HOMER2: variants seen among roughly 807,000 people sequenced by gnomAD.
HOMER2 encodes homer protein homolog 2.
A neutral mutation model predicts 47.0 loss-of-function variants in HOMER2; 27 were observed. That is an observed-to-expected ratio of 0.57 (90% CI 0.42 to 0.79). The LOEUF (loss-of-function observed/expected upper bound fraction) is 0.79. Ranked by LOEUF, HOMER2 falls within the 30% of genes least tolerant of loss-of-function variation. The pLI, the probability that HOMER2 is intolerant of heterozygous loss-of-function variation, is 0.00. For synonymous variants in HOMER2, 161 were observed against 163.8 expected (o/e 0.98, Z 0.13); for missense variants, 443 against 435.0 (o/e 1.02, Z -0.16).
At chr15:82,951,035 A>G (rs1031014144) in intron 1 of HOMER2, among the ~76,000 whole-genome samples, 1 of 152,002 alleles carries the variant, frequency 6.6e-6, no homozygotes, top group Non-Finnish European at 1.5e-5. Context: ...TTCCCTGTAC[A>G]TTTTTTTAAA....
chr15:82,890,875 C>G (rs1433189045), intron 2 of HOMER2, among the ~76,000 whole-genome samples: 1 of 152,128 alleles, frequency 6.6e-6, no homozygotes, highest in Non-Finnish European at 1.5e-5. Flanking sequence ...CCAGGCAATT[C>G]CAGCGCAGAA....
At chr15:82,845,767 A>G (rs1226482093), downstream of HOMER2, 2 of 152,208 alleles carry the variant, frequency 1.3e-5, no homozygotes, top group East Asian at 3.8e-4. Context: ...GTGAGGTCCC[A>G]CCATAACGTC....
chr15:82,846,920 T>G (rs974959429), downstream of HOMER2: 1 of 152,206 alleles, frequency 6.6e-6, no homozygotes, highest in Non-Finnish European at 1.5e-5. Flanking sequence ...TTTTTAAAGG[T>G]CCTCTTGGTT....
chr15:82,966,366 G>C (rs1340061543), intron 1 of HOMER2, among the ~76,000 whole-genome samples: 2 of 152,140 alleles, frequency 1.3e-5, no homozygotes, highest in South Asian at 2.1e-4. Context: ...GCCTATGTGG[G>C]TCAGTAAGTA....
rs148457083 is a variant in HOMER2 at position 82,913,090 on chromosome 15, C to T, written c.6-20249G>A. The stretch of plus-strand genomic sequence containing the variant: ...AACTGTAAAGCAAATGGTTTTTATG[C>T]GGTGCAGCCTTGGAAGTTACAAGCA... On this transcript the variant is annotated intron_variant, in intron 1 of 8. Transcript: ENST00000450735. This position sits in a 1 kb window ranked among gnomAD's most constrained non-coding sequence, Gnocchi z 4.1. 2.9e-3 allele frequency among the ~76,000 whole-genome samples: 442 copies of T among 152,242 alleles called. 3 individuals carry two copies. The highest frequency in any genetic ancestry group is 0.01 in the African/African-American group (424 of 41,528).
chr15:82,902,099 C>A (rs1341609606), intron 1 of HOMER2, among the ~76,000 whole-genome samples: 1 of 152,068 alleles, frequency 6.6e-6, no homozygotes, highest in Non-Finnish European at 1.5e-5. Flanking sequence ...AAAATTCATC[C>A]CACCTGAATC....
chr15:82,945,862 C>G (rs1266392241), intron 1 of HOMER2, among the ~76,000 whole-genome samples: 1 of 151,614 alleles, frequency 6.6e-6, no homozygotes, highest in Admixed American at 6.6e-5. Context: ...CCCAGCTACT[C>G]GGGAGGCTAA....
intron 1 of HOMER2, among the ~76,000 whole-genome samples, chr15:82,897,061 ATTTCTTTTT>A (rs370096528): frequency 0.14 from 6,526 of 46,002 alleles, 500 homozygotes; most frequent in African/African-American, 0.36. Context: ...ATTTGATGTC[ATTTCTTTTT>A]TTTTTTTTTT....
At chr15:82,872,867 T>C (rs780135984) in intron 3 of HOMER2, among the ~76,000 whole-genome samples, 2 of 152,102 alleles carry the variant, frequency 1.3e-5, no homozygotes, top group Non-Finnish European at 2.9e-5. Flanking sequence ...AGAAACAAGG[T>C]GACAAAGAGG....
chr15:82,855,882 T>C (rs1471250611), intron 5 of HOMER2, among the ~76,000 whole-genome samples: 4 of 152,152 alleles, frequency 2.6e-5, no homozygotes, highest in Non-Finnish European at 4.4e-5. Flanking sequence ...CTCCTTCAAT[T>C]TCCTTGCTAG....
At chr15:82,897,430 A>G (rs1458159869) in intron 1 of HOMER2, among the ~76,000 whole-genome samples, 1 of 152,028 alleles carries the variant, frequency 6.6e-6, no homozygotes, top group Non-Finnish European at 1.5e-5. Context: ...CTCTCTTCCT[A>G]TAATAATAGC....
At chr15:82,972,588 GA>G (rs1480979742) in intron 1 of HOMER2, among the ~76,000 whole-genome samples, 1 of 152,098 alleles carries the variant, frequency 6.6e-6, no homozygotes, top group Non-Finnish European at 1.5e-5. Context: ...GACCTCAGGT[GA>G]TCTGCCCACC....
chr15:82,875,170 G>C, intron 3 of HOMER2, 103 bp downstream of exon 3: 1 of 1,381,446 alleles, frequency 7.2e-7, no homozygotes, highest in Non-Finnish European at 1.0e-6. Context: ...CCAAAGACCA[G>C]AAAGGAATCC....
chr15:82,842,280 TATCTC>T (rs2051183528), exon 2 of HOMER2: 1 of 151,988 alleles, frequency 6.6e-6, no homozygotes, highest in Non-Finnish European at 1.5e-5. Context: ...AACATAAAAT[TATCTC>T]AAACTTCTTT....
chr15:82,926,327 G>A (rs1319142027), intron 1 of HOMER2: 3 of 151,984 alleles, frequency 2.0e-5, no homozygotes, highest in Non-Finnish European at 4.4e-5. Context: ...AAGCAGCAAG[G>A]CAGCTCTCTC....
At chr15:82,896,781 A>G (rs1268311943) in intron 1 of HOMER2, among the ~76,000 whole-genome samples, 3 of 152,238 alleles carry the variant, frequency 2.0e-5, no homozygotes, top group Non-Finnish European at 4.4e-5. Context: ...TTTCACATGA[A>G]TAACCAAGTC....
intron 1 of HOMER2, among the ~76,000 whole-genome samples, chr15:82,909,964 G>A (rs554966081): frequency 2.0e-4 from 30 of 151,664 alleles, no homozygotes; most frequent in African/African-American, 5.8e-4. Context: ...GTGAAACCCC[G>A]TCTCTACTAA....
At chr15:82,880,570 C>T (rs949319167) in intron 2 of HOMER2, among the ~76,000 whole-genome samples, 2 of 152,130 alleles carry the variant, frequency 1.3e-5, no homozygotes, top group Admixed American at 6.5e-5. Context: ...ATAAAGTCTA[C>T]AAACCCATAA....
At chr15:82,857,470 G>A (rs1256432) in intron 5 of HOMER2, among the ~76,000 whole-genome samples, 61,541 of 132,500 alleles carry the variant, frequency 0.46, 14,084 homozygotes, top group East Asian at 0.62. Context: ...TTGCTCTGTC[G>A]ACCCGGCTGG....
Sources: gnomAD v4.1 joint callset for allele counts (sites outside exome capture counted in the v4.1 genomes callset) on GRCh38, gnomAD v4.1.1 for gene constraint, Gnocchi (gnomAD v3.1) non-coding constraint, MANE v1.5 for transcripts, NCBI Gene and HGNC (gene_info 2026-07-23, HGNC 2026-07-21) for gene names.